The following SOX5 variants were observed in gnomAD, a reference collection of about 807,000 sequenced individuals.
SOX5 encodes the protein SRY-box transcription factor 5.
Under a neutral mutation model 92.0 loss-of-function variants are expected in SOX5, and 9 were observed. The observed-to-expected ratio is 0.10, with a 90% CI of 0.06 to 0.17. The LOEUF (loss-of-function observed/expected upper bound fraction) is 0.17. Among genes scored for constraint, SOX5 ranks in the 10% least tolerant of loss-of-function variants. The pLI is 1.00. For synonymous variants in SOX5, 344 were observed against 336.3 expected (o/e 1.02, Z -0.25); for missense variants, 642 against 944.5 (o/e 0.68, Z 4.20).
chr12:24,051,439 A>G (rs145630039), intron 4 of SOX5, among the ~76,000 whole-genome samples: 25 of 152,324 alleles, frequency 1.6e-4, no homozygotes, highest in African/African-American at 5.5e-4. Context: ...AAAGAAAATC[A>G]TAGCAAGTCA....
At chr12:23,687,502 C>A (rs530899432) in intron 6 of SOX5, among the ~76,000 whole-genome samples, 1 of 151,944 alleles carries the variant, frequency 6.6e-6, no homozygotes, top group Non-Finnish European at 1.5e-5. Flanking sequence ...CTTAATAAAC[C>A]CTACAGCACT....
intron 2 of SOX5, among the ~76,000 whole-genome samples, chr12:23,866,152 T>C (rs1175146552): frequency 6.6e-6 from 1 of 152,206 alleles, no homozygotes; most frequent in Admixed American, 6.5e-5. Flanking sequence ...GGTATACCTG[T>C]GTATACAAAC....
At chr12:23,797,528 G>GA (rs933190797) in intron 3 of SOX5, among the ~76,000 whole-genome samples, 1 of 151,726 alleles carries the variant, frequency 6.6e-6, no homozygotes, top group Non-Finnish European at 1.5e-5. Flanking sequence ...CCACAAAAAA[G>GA]AAAAAAATCC....
intron 4 of SOX5, among the ~76,000 whole-genome samples, chr12:24,126,498 A>G (rs1354967763): frequency 6.6e-6 from 1 of 152,148 alleles, no homozygotes; most frequent in East Asian, 1.9e-4. Flanking sequence ...TAACAAATAA[A>G]TAACACTGTG....
intron 1 of SOX5, among the ~76,000 whole-genome samples, chr12:24,381,579 T>G (rs545423728): frequency 2.0e-5 from 3 of 152,350 alleles, no homozygotes; most frequent in Admixed American, 2.0e-4. Context: ...AAATCTCAAT[T>G]AGTATTCAAT....
chr12:24,178,146 G>A (rs1443148980), intron 4 of SOX5, among the ~76,000 whole-genome samples: 1 of 151,558 alleles, frequency 6.6e-6, no homozygotes, highest in Non-Finnish European at 1.5e-5. Context: ...CTTTACAGAA[G>A]TCTCAGTTCC....
intron 2 of SOX5, among the ~76,000 whole-genome samples, chr12:24,297,704 G>C (rs887971976): frequency 1.3e-5 from 2 of 152,160 alleles, no homozygotes; most frequent in Non-Finnish European, 2.9e-5. Flanking sequence ...CTATGGAAAC[G>C]CAGCATCTGT....
At chr12:23,863,628 T>C (rs1429161599) in intron 2 of SOX5, among the ~76,000 whole-genome samples, 1 of 152,192 alleles carries the variant, frequency 6.6e-6, no homozygotes, top group Admixed American at 6.5e-5. Context: ...CTCAATACCA[T>C]ATGATGTTTC....
chr12:24,030,373 T>G (rs1049263269), intron 4 of SOX5, among the ~76,000 whole-genome samples: 1 of 151,758 alleles, frequency 6.6e-6, no homozygotes, highest in African/African-American at 2.4e-5. Context: ...GCATCATAGA[T>G]CCCAGAAATG....
chr12:23,964,912 T>G (rs1016611229), intron 4 of SOX5, among the ~76,000 whole-genome samples: 2 of 152,226 alleles, frequency 1.3e-5, no homozygotes, highest in Non-Finnish European at 2.9e-5. Flanking sequence ...TGGGCTAGGC[T>G]TGCTTTAGCG....
chr12:23,570,588 GACA>G (rs1433215120), intron 10 of SOX5, among the ~76,000 whole-genome samples: 2 of 151,592 alleles, frequency 1.3e-5, no homozygotes, highest in Non-Finnish European at 2.9e-5. Context: ...GGCCAGACTG[GACA>G]ACATGAGAAA....
intron 4 of SOX5, among the ~76,000 whole-genome samples, chr12:24,026,556 C>A (rs985921359): frequency 1.3e-5 from 2 of 148,832 alleles, no homozygotes; most frequent in African/African-American, 5.0e-5. Flanking sequence ...TTGAGACCAG[C>A]CTGGGCGACA....
At chr12:24,199,293 T>C (rs945545058) in intron 4 of SOX5, among the ~76,000 whole-genome samples, 8 of 152,330 alleles carry the variant, frequency 5.3e-5, no homozygotes, top group Non-Finnish European at 8.8e-5. Flanking sequence ...ACCATTTTGC[T>C]CACCCCTGTA....
At chr12:24,390,151 G>C (rs995770710) in intron 1 of SOX5, among the ~76,000 whole-genome samples, 1 of 152,074 alleles carries the variant, frequency 6.6e-6, no homozygotes, top group African/African-American at 2.4e-5. Flanking sequence ...TCAGTTTCTA[G>C]ATTTATCCTC....
intron 3 of SOX5, among the ~76,000 whole-genome samples, chr12:24,276,306 T>C (rs1944425038): frequency 6.6e-6 from 1 of 152,138 alleles, no homozygotes; most frequent in Admixed American, 6.6e-5. Context: ...ATTTTGTTTT[T>C]AAAAGAGGTA....
chr12:23,585,689 T>C (rs763040746), intron 9 of SOX5, among the ~76,000 whole-genome samples: 2 of 152,130 alleles, frequency 1.3e-5, no homozygotes, highest in Non-Finnish European at 2.9e-5. Flanking sequence ...CAGTGGAATT[T>C]TTCTTTAATA....
intron 5 of SOX5, among the ~76,000 whole-genome samples, chr12:23,736,374 A>G (rs978341959): frequency 1.2e-4 from 19 of 152,076 alleles, no homozygotes; most frequent in Non-Finnish European, 2.5e-4. Flanking sequence ...AGGCAGGAGA[A>G]TGTCGTGAAC....
chr12:23,764,947 T>C (rs1206899139), intron 3 of SOX5, among the ~76,000 whole-genome samples: 1 of 152,022 alleles, frequency 6.6e-6, no homozygotes, highest in Non-Finnish European at 1.5e-5. Flanking sequence ...CCTGAAAAGA[T>C]ATGAACAATA....
At chr12:24,229,727 C>T (rs761585431) in intron 3 of SOX5, among the ~76,000 whole-genome samples, 9 of 152,184 alleles carry the variant, frequency 5.9e-5, no homozygotes, top group South Asian at 2.1e-4. Flanking sequence ...CCAGCTATTA[C>T]GCCTTGTGTG....
Sources: gnomAD v4.1 joint callset for allele counts (sites outside exome capture counted in the v4.1 genomes callset) on GRCh38, gnomAD v4.1.1 for gene constraint, MANE v1.5 for transcripts, NCBI Gene and HGNC (gene_info 2026-07-23, HGNC 2026-07-21) for gene names.